GLRA3: variants seen among roughly 807,000 people sequenced by gnomAD.
GLRA3 encodes glycine receptor subunit alpha-3.
In GLRA3, 44 loss-of-function variants were observed where a neutral mutation model predicts 60.4. The observed-to-expected ratio is 0.73, with a 90% CI of 0.57 to 0.94. GLRA3 has a LOEUF of 0.94. Ranked by LOEUF, GLRA3 falls within the 40% of genes least tolerant of loss-of-function variation. GLRA3 has a pLI of 0.00. For synonymous variants in GLRA3, 223 were observed against 192.9 expected (o/e 1.16, Z -1.29); for missense variants, 508 against 564.6 (o/e 0.90, Z 1.02).
At position 174,687,498 on chromosome 4, in the gene GLRA3, G is replaced by GA. The variant is rs1290104656; in HGVS notation, c.575-4560dup. 1.2e-3 allele frequency among the ~76,000 whole-genome samples: 182 copies of GA among 152,134 alleles called. 4 individuals are homozygous for GA. The highest frequency in any genetic ancestry group is 1.5e-4 in the Non-Finnish European group (10 of 67,984). ...TTTCGTGAAATACTATTTTTTATGT[G>GA]AAAAAAATGGGTGGAAACTGGTTAC... On this transcript the variant is annotated intron_variant, in intron 5 of 9. Transcript: ENST00000274093.
At chr4:174,712,558 A>C (rs1441797688) in intron 5 of GLRA3, 1 of 152,180 alleles carries the variant, frequency 6.6e-6, no homozygotes, top group African/African-American at 2.4e-5. Flanking sequence ...AATTTAAGGA[A>C]GTTGTACCAT....
intron 1 of GLRA3, among the ~76,000 whole-genome samples, chr4:174,811,671 C>A (rs1740282160): frequency 6.6e-6 from 1 of 152,182 alleles, no homozygotes; most frequent in Non-Finnish European, 1.5e-5. Context: ...GGGCAGCAAT[C>A]ATGTCATATG....
At chr4:174,656,615 T>G (rs1733216908) in intron 9 of GLRA3, 128 bp downstream of exon 9, 1 of 525,476 alleles carries the variant, frequency 1.9e-6, no homozygotes, top group African/African-American at 1.9e-5. Context: ...GGGATGATAT[T>G]TGCTCAGCTT....
In GLRA3 at chr4:174,642,215, A is replaced by G; in HGVS notation, c.*1571T>C. 1 of 872,152 alleles carries G rather than the reference A, an allele frequency of 1.1e-6. No individual in the cohort carries two copies. The highest frequency in any genetic ancestry group is 1.4e-6 in the Non-Finnish European group (1 of 726,610). The allele number at this position is 872,152 out of a possible 1,614,324, so 54.0% of individuals were successfully genotyped here. The stretch of plus-strand genomic sequence containing the variant: ...TAAGCTGATGTACAATAACATTGTA[A>G]AGGTTTTAGTTTTAAATGGTAGTTT... On this transcript the variant is annotated 3_prime_UTR_variant, in exon 10 of 10. Transcript: ENST00000274093.
chr4:174,661,753 T>C (rs1011748752), intron 7 of GLRA3, among the ~76,000 whole-genome samples: 10 of 152,152 alleles, frequency 6.6e-5, no homozygotes, highest in Non-Finnish European at 1.0e-4. Context: ...TTCTGACACC[T>C]GCTCAGCTAT....
chr4:174,698,050 C>A lies in GLRA3; in HGVS notation c.575-15111G>T, dbSNP rs527892482. Among the ~76,000 whole-genome samples, 7 of 152,260 alleles carry A rather than the reference C, an allele frequency of 4.6e-5. No homozygotes were observed. The East Asian group carries it at 1.2e-3, about 25-fold the overall frequency. ...GATCTGCTCAAATTTGTGAAATAATCAATTCACTAAATAGGCCCCAAATCA... is the reference window on the plus strand; with the variant it reads ...GATCTGCTCAAATTTGTGAAATAATAAATTCACTAAATAGGCCCCAAATCA... On this transcript the variant is annotated intron_variant, in intron 5 of 9. Transcript: ENST00000274093.
intron 5 of GLRA3, among the ~76,000 whole-genome samples, chr4:174,711,596 C>T (rs752404892): frequency 6.6e-5 from 10 of 151,860 alleles, no homozygotes; most frequent in South Asian, 2.1e-4. Flanking sequence ...AGTGCCACCA[C>T]GCCTGGCTAA....
At chr4:174,683,701 A>G in intron 5 of GLRA3, among the ~76,000 whole-genome samples, 1 of 152,142 alleles carries the variant, frequency 6.6e-6, no homozygotes, top group East Asian at 1.9e-4. Flanking sequence ...TCTCTTAATT[A>G]TATACAGATT....
chr4:174,739,065 A>C (rs1736906829), intron 3 of GLRA3, among the ~76,000 whole-genome samples: 1 of 152,250 alleles, frequency 6.6e-6, no homozygotes, highest in Non-Finnish European at 1.5e-5. Context: ...ATGTAATGAA[A>C]TGTTTGTTTT....
At position 174,640,031 on chromosome 4, in the gene GLRA3, T is replaced by A. The variant is rs1415108929; in HGVS notation, c.*3755A>T. ...TATTAACACCAGATTGTCTTATATT[T>A]GGAATGGCTTGCTTTTCTTTGCTAG... is the stretch of plus-strand genomic sequence containing the variant. On this transcript the variant is annotated 3_prime_UTR_variant, in exon 10 of 10. Coordinates refer to ENST00000274093, the MANE Select transcript of GLRA3 (RefSeq NM_006529.4). 1 of 152,118 alleles carries A rather than the reference T, an allele frequency of 6.6e-6. No homozygotes were observed. Among genetic ancestry groups the A allele is most frequent in the Non-Finnish European group, 1.5e-5 (1 of 67,962 alleles). 9.4% of individuals were successfully genotyped at this position (152,118 alleles called of 1,614,324 possible).
At chr4:174,801,377 A>G (rs1739806856) in intron 1 of GLRA3, among the ~76,000 whole-genome samples, 1 of 152,006 alleles carries the variant, frequency 6.6e-6, no homozygotes, top group Non-Finnish European at 1.5e-5. Context: ...TTATATCTCG[A>G]GCTATGAATT....
At chr4:174,710,446 G>A (rs1351706451) in intron 5 of GLRA3, among the ~76,000 whole-genome samples, 1 of 151,948 alleles carries the variant, frequency 6.6e-6, no homozygotes, top group East Asian at 1.9e-4. Flanking sequence ...CAGTTCTCCC[G>A]ATTGAGAGGA....
intron 2 of GLRA3, among the ~76,000 whole-genome samples, chr4:174,768,933 A>G (rs898029351): frequency 4.6e-5 from 7 of 152,170 alleles, no homozygotes; most frequent in African/African-American, 1.7e-4. Context: ...GTTACACTCT[A>G]TGTAAGTTAG....
chr4:174,806,255 A>T (rs1579638252), intron 1 of GLRA3, among the ~76,000 whole-genome samples: 1 of 152,150 alleles, frequency 6.6e-6, no homozygotes, highest in East Asian at 1.9e-4. Context: ...AAGACTTTCA[A>T]AAAAACAAGG....
intron 1 of GLRA3, among the ~76,000 whole-genome samples, chr4:174,809,022 A>G (rs962735429): frequency 6.6e-6 from 1 of 152,154 alleles, no homozygotes; most frequent in Non-Finnish European, 1.5e-5. Flanking sequence ...AGTGTACAGT[A>G]ATGTCCTAGG....
intron 2 of GLRA3, among the ~76,000 whole-genome samples, chr4:174,774,348 ATGTATGTGTGTG>A (rs1342847400): frequency 1.3e-5 from 2 of 148,860 alleles, no homozygotes; most frequent in African/African-American, 4.9e-5. Context: ...CGATGTGTAA[ATGTATGTGTGTG>A]TGTATGTGTG....
chr4:174,794,950 A>C (rs1474863739), intron 1 of GLRA3, among the ~76,000 whole-genome samples: 3 of 151,926 alleles, frequency 2.0e-5, no homozygotes, highest in African/African-American at 7.2e-5. Context: ...TTTATTTAAC[A>C]GCCGTTATTG....
intron 5 of GLRA3, among the ~76,000 whole-genome samples, chr4:174,711,254 G>A (rs1485945): frequency 0.15 from 22,748 of 151,384 alleles, 1,757 homozygotes; most frequent in East Asian, 0.19. Context: ...TCCATATGCT[G>A]AAAACAAAAT....
At chr4:174,756,942 G>A (rs1242892751) in intron 3 of GLRA3, among the ~76,000 whole-genome samples, 1 of 152,142 alleles carries the variant, frequency 6.6e-6, no homozygotes, top group South Asian at 2.1e-4. Context: ...CCCCGCGCCC[G>A]GCCAAATGCC....
Sources: gnomAD v4.1 joint callset for allele counts (sites outside exome capture counted in the v4.1 genomes callset) on GRCh38, gnomAD v4.1.1 for gene constraint, MANE v1.5 for transcripts, NCBI Gene and HGNC (gene_info 2026-07-23, HGNC 2026-07-21) for gene names.